CYP2C19: variants seen among roughly 807,000 people sequenced by gnomAD.
The protein encoded by CYP2C19 is cytochrome P450 family 2 subfamily C member 19.
In CYP2C19, 59 loss-of-function variants were observed where a neutral mutation model predicts 40.9. That is an observed-to-expected ratio of 1.44 (90% CI 1.17 to 1.79). The LOEUF is 1.79. Among genes scored for constraint, CYP2C19 ranks in the 40% most tolerant of loss-of-function variants. CYP2C19 has a pLI of 0.00. For missense variants in CYP2C19, 754 were observed against 596.9 expected, an observed-to-expected ratio of 1.26 and a Z score of -2.74; for synonymous variants, 253 against 208.7, an observed-to-expected ratio of 1.21 and a Z score of -1.83.
At chr10:94,766,083 T>G (rs926952358) in intron 1 of CYP2C19, among the ~76,000 whole-genome samples, 2 of 152,102 alleles carry the variant, frequency 1.3e-5, no homozygotes, top group East Asian at 3.8e-4. Flanking sequence ...GATTGCATAT[T>G]TAGAAGTTGG....
chr10:94,836,091 A>G (rs753117874), intron 6 of CYP2C19, among the ~76,000 whole-genome samples: 4 of 152,218 alleles, frequency 2.6e-5, no homozygotes, highest in African/African-American at 4.8e-5. Flanking sequence ...TAAGAGTTGC[A>G]CAAGCACGCA....
At chr10:94,836,810 G>T (rs751813152) in intron 6 of CYP2C19, among the ~76,000 whole-genome samples, 1 of 152,180 alleles carries the variant, frequency 6.6e-6, no homozygotes, top group Non-Finnish European at 1.5e-5. Flanking sequence ...GAGCGCTTGG[G>T]TGGCTTGATG....
In CYP2C19 at chr10:94,762,716, T is replaced by C. The variant is rs1480091346; in HGVS notation, c.11T>C (p.Phe4Ser). 2 of 1,613,324 alleles carry C rather than the reference T, an allele frequency of 1.2e-6. No individual in the cohort carries two copies. Among genetic ancestry groups the C allele is most frequent in the East Asian group, 2.2e-5 (1 of 44,870 alleles). Residue 4 changes from phenylalanine to serine, a missense_variant, in exon 1 of 9, where the codon TTT becomes TCT. By Grantham distance (155) the Phe-to-Ser change is radical. Coordinates refer to ENST00000371321, the MANE Select transcript of CYP2C19 (RefSeq NM_000769.4). ...GAGGAGAAGGCTTCAATGGATCCTT[T>C]TGTGGTCCTTGTGCTCTGTCTCTCA... MDP[F>S]VVLVLCLSCL...
At chr10:94,770,711 CAGA>C (rs1455283359) in intron 1 of CYP2C19, among the ~76,000 whole-genome samples, 1 of 152,086 alleles carries the variant, frequency 6.6e-6, no homozygotes, top group African/African-American at 2.4e-5. Context: ...TCGAGGAAAG[CAGA>C]AGGATTTTCT....
chr10:94,834,510 T>A (rs1022260425), intron 6 of CYP2C19, among the ~76,000 whole-genome samples: 2 of 152,086 alleles, frequency 1.3e-5, no homozygotes, highest in African/African-American at 4.8e-5. Context: ...TGCTCTGATC[T>A]TTATTATTTC....
In CYP2C19 at chr10:94,780,647, C is replaced by T. The variant is rs750439696; in HGVS notation, c.630C>T (p.Thr210=). 5.6e-6 allele frequency: 9 copies of T among 1,613,472 alleles called. No individual in the cohort carries two copies. In the Admixed American group the frequency reaches 1.3e-4, roughly 24 times the overall value. ...KLNENIRIVS[T]PWIQICNNFP... ...ATGAAAACATCAGGATTGTAAGCAC[C>T]CCCTGGATCCAGGTAAGGCCAAGTT... The change falls in exon 4 of 9, where the codon ACC becomes ACT. Residue 210 remains threonine, a synonymous_variant. Coordinates refer to ENST00000371321, the MANE Select transcript of CYP2C19 (RefSeq NM_000769.4).
At position 94,775,045 on chromosome 10, in the gene CYP2C19, T is replaced by C. The variant is rs756910416; in HGVS notation, c.169-13T>C. ...GTGACTTCATTTGCTGTTAACTGTA[T>C]CTCCTTTTCTAGCTCTCAAAAATCT... On this transcript the variant is annotated splice_polypyrimidine_tract_variant and intron_variant, in intron 1 of 8. Transcript: ENST00000371321. 1.2e-6 allele frequency: 2 copies of C among 1,613,560 alleles called. No homozygotes were observed. Among genetic ancestry groups the C allele is most frequent in the Admixed American group, 1.7e-5 (1 of 59,988 alleles).
rs754612888 is a variant in CYP2C19, at chr10:94,852,956, G to T, written c.*42G>T. The T allele has an allele frequency of 1.9e-6, 3 of 1,603,310 alleles. No individual in the cohort carries two copies. Among genetic ancestry groups the T allele is most frequent in the South Asian group, 1.1e-5 (1 of 90,378 alleles). On this transcript the variant is annotated 3_prime_UTR_variant, in exon 9 of 9. Transcript: ENST00000371321. ...TGGCTGCTCCTGTGCTGTCCCTGCAGCTCTCTTTCCTCTGGTCCAAATTTC... is the reference window on the plus strand; with the variant it reads ...TGGCTGCTCCTGTGCTGTCCCTGCATCTCTCTTTCCTCTGGTCCAAATTTC...
chr10:94,800,995 C>A (rs752826614), intron 5 of CYP2C19, among the ~76,000 whole-genome samples: 2 of 152,196 alleles, frequency 1.3e-5, no homozygotes, highest in Non-Finnish European at 2.9e-5. Flanking sequence ...AGTGCCCCAC[C>A]CTTCTTCAGC....
intron 5 of CYP2C19, among the ~76,000 whole-genome samples, chr10:94,794,955 T>TA (rs1442558466): frequency 3.3e-5 from 5 of 151,854 alleles, no homozygotes; most frequent in Admixed American, 1.3e-4. Context: ...TGAATAGGAG[T>TA]GATGAGAGAG....
At chr10:94,790,704 C>A (rs530046876) in intron 5 of CYP2C19, among the ~76,000 whole-genome samples, 12 of 152,064 alleles carry the variant, frequency 7.9e-5, no homozygotes, top group Admixed American at 2.0e-4. Context: ...CCAACTTGAT[C>A]GTGGTGGATG....
Position 94,775,522 on chromosome 10 carries a change from A to T in CYP2C19, c.464A>T (p.Glu155Val), listed in dbSNP as rs1364434706. 1.2e-6 allele frequency: 2 copies of T among 1,613,790 alleles called. No homozygotes were observed. The highest frequency in any genetic ancestry group is 8.5e-7 in the Non-Finnish European group (1 of 1,179,906). ...GAGGAAGCCCGCTGCCTTGTGGAGGAGTTGAGAAAAACCAAGGGTGGGTGA... is the reference window on the plus strand; with the variant it reads ...GAGGAAGCCCGCTGCCTTGTGGAGGTGTTGAGAAAAACCAAGGGTGGGTGA... ...VQEEARCLVE[E>V]LRKTKASPCD... Residue 155 changes from glutamate to valine, a missense_variant, in exon 3 of 9, where the codon GAG (glutamate) becomes GTG (valine). Transcript: ENST00000371321.
intron 3 of CYP2C19, among the ~76,000 whole-genome samples, chr10:94,779,193 C>T (rs1046643221): frequency 6.6e-6 from 1 of 152,054 alleles, no homozygotes; most frequent in Admixed American, 6.5e-5. Context: ...ATGACAGGTT[C>T]ATAGATGCAG....
intron 7 of CYP2C19, among the ~76,000 whole-genome samples, chr10:94,846,338 A>G (rs1328165355): frequency 6.6e-6 from 1 of 152,214 alleles, no homozygotes; most frequent in African/African-American, 2.4e-5. Flanking sequence ...CAAGAAAACT[A>G]CATAGTACTT....
chr10:94,818,355 A>G (rs1849046392), intron 5 of CYP2C19, among the ~76,000 whole-genome samples: 1 of 151,590 alleles, frequency 6.6e-6, no homozygotes, highest in South Asian at 2.1e-4. Context: ...TTGGCTTAGG[A>G]TTGACTTGAT....
chr10:94,813,316 G>A (rs192899672), intron 5 of CYP2C19, among the ~76,000 whole-genome samples: 1,652 of 152,100 alleles, frequency 0.011, 6 homozygotes, highest in Admixed American at 0.019. Context: ...CCCCTGCTGG[G>A]AGGTCTGCTG....
intron 6 of CYP2C19, among the ~76,000 whole-genome samples, chr10:94,822,210 A>G (rs1849135316): frequency 6.6e-6 from 1 of 152,166 alleles, no homozygotes; most frequent in African/African-American, 2.4e-5. Context: ...GAGGCTGGGT[A>G]ATTCATAAAG....
At chr10:94,826,984 A>G (rs2134274084) in intron 6 of CYP2C19, among the ~76,000 whole-genome samples, 1 of 152,218 alleles carries the variant, frequency 6.6e-6, no homozygotes, top group East Asian at 1.9e-4. Context: ...GCGTATATTG[A>G]ACCAGCCTTG....
intron 7 of CYP2C19, among the ~76,000 whole-genome samples, chr10:94,844,543 C>T (rs1440715173): frequency 6.6e-6 from 1 of 152,060 alleles, no homozygotes; most frequent in Non-Finnish European, 1.5e-5. Flanking sequence ...CCAATTTAAA[C>T]CAAGACATAT....
Sources: allele counts gnomAD v4.1 joint callset (sites outside exome capture counted in the v4.1 genomes callset), GRCh38; gene constraint gnomAD v4.1.1; transcripts MANE v1.5; gene names NCBI Gene and HGNC (gene_info 2026-07-23, HGNC 2026-07-21).